Variants in TARS3 observed in about 807,000 individuals in gnomAD.
TARS3 encodes threonine--tRNA ligase 2, cytoplasmic.
Under a neutral mutation model 103.5 loss-of-function variants are expected in TARS3, and 94 were observed. The observed-to-expected ratio is 0.91, with a 90% CI of 0.77 to 1.08. The LOEUF (loss-of-function observed/expected upper bound fraction) is 1.08, where lower values mean the gene tolerates loss of function less well. TARS3 is among the 50% of genes least tolerant of loss of function. TARS3 has a pLI of 0.00. For missense variants in TARS3, 952 were observed against 995.2 expected (o/e 0.96, Z 0.58); for synonymous variants, 416 against 355.4 (o/e 1.17, Z -1.92).
intron 4 of TARS3, among the ~76,000 whole-genome samples, chr15:101,712,355 G>A (rs553973050): frequency 2.6e-5 from 4 of 152,292 alleles, no homozygotes; most frequent in East Asian, 3.9e-4. Flanking sequence ...GAAGCCCAGA[G>A]TAGGAGGAAG....
chr15:101,656,809 T>C (rs1040071873), intron 18 of TARS3, 113 bp downstream of exon 18: 2 of 682,134 alleles, frequency 2.9e-6, no homozygotes, highest in Non-Finnish European at 5.0e-6. Flanking sequence ...TGTGTAAGTA[T>C]TAAATAGACA....
In TARS3 at chr15:101,671,659, T is replaced by C. The variant is rs1596291803; in HGVS notation, c.1866+12A>G. ...TTACATTTTGCTGTTTTGAAGCATGTGGTCGACTCACTTTAGGGCCATAAA... is the reference window on the plus strand; with the variant it reads ...TTACATTTTGCTGTTTTGAAGCATGCGGTCGACTCACTTTAGGGCCATAAA... On this transcript the variant is annotated intron_variant, in intron 14 of 18. Transcript: ENST00000335968. 6.2e-7 allele frequency: 1 copy of C among 1,613,694 alleles called. No individual in the cohort carries two copies. The highest frequency in any genetic ancestry group is 8.5e-7 in the Non-Finnish European group (1 of 1,179,784).
intron 18 of TARS3, 125 bp from the exon 19 acceptor site, chr15:101,654,855 A>G: frequency 1.1e-6 from 1 of 895,810 alleles, no homozygotes. Flanking sequence ...TCTAATGAGC[A>G]TTTGGTTCAT....
At chr15:101,715,442 A>G (rs539495435) in intron 3 of TARS3, among the ~76,000 whole-genome samples, 11 of 152,310 alleles carry the variant, frequency 7.2e-5, no homozygotes, top group African/African-American at 1.9e-4. Context: ...CACCGCGCCC[A>G]GCCACATTCA....
At chr15:101,678,541 CTT>C (rs1197737226) in intron 12 of TARS3, among the ~76,000 whole-genome samples, 2 of 151,560 alleles carry the variant, frequency 1.3e-5, no homozygotes, top group Middle Eastern at 6.9e-3. Context: ...TATTATATAA[CTT>C]ATCAGTCCAG....
intron 15 of TARS3, among the ~76,000 whole-genome samples, chr15:101,666,450 T>C (rs1234920425): frequency 8.5e-6 from 1 of 117,594 alleles, no homozygotes; most frequent in African/African-American, 3.4e-5. Flanking sequence ...CACTCCAGCC[T>C]GGGCAACAGA....
intron 11 of TARS3, 120 bp from the exon 12 acceptor site, chr15:101,684,357 G>C: frequency 9.9e-7 from 1 of 1,010,148 alleles, no homozygotes. Context: ...CTAGTTCTTA[G>C]ATCACCAGGT....
chr15:101,668,318 G>A (rs1278521475), intron 15 of TARS3, among the ~76,000 whole-genome samples: 1 of 152,126 alleles, frequency 6.6e-6, no homozygotes, highest in Non-Finnish European at 1.5e-5. Context: ...CAATGTTATT[G>A]TGTCTCAGGG....
chr15:101,714,736 C>T, intron 4 of TARS3, 104 bp downstream of exon 4: 1 of 1,046,148 alleles, frequency 9.6e-7, no homozygotes, highest in Non-Finnish European at 1.3e-6. Context: ...TCTTAGAAAC[C>T]CCCAAAAAAC....
Position 101,653,748 on chromosome 15 carries a change from T to C in TARS3, c.*834A>G, listed in dbSNP as rs1022050978. The C allele has an allele frequency of 6.6e-6, 1 of 152,278 alleles. No homozygotes were observed. Among genetic ancestry groups the C allele is most frequent in the Non-Finnish European group, 1.5e-5 (1 of 68,052 alleles). 9.4% of individuals were successfully genotyped at this position (152,278 alleles called of 1,614,324 possible). ...AAAATAAACAATACTTCTTGTTTGG[T>C]AGCTGAATTCTCTATTGACATAATG... is the stretch of plus-strand genomic sequence containing the variant. On this transcript the variant is annotated 3_prime_UTR_variant, in exon 19 of 19. Transcript: ENST00000335968.
chr15:101,711,011 G>A (rs757390913), intron 5 of TARS3, among the ~76,000 whole-genome samples: 2 of 152,144 alleles, frequency 1.3e-5, no homozygotes, highest in Non-Finnish European at 2.9e-5. Flanking sequence ...GTTTGCTAAC[G>A]ATTCAAGCAT....
At chr15:101,678,463 C>G (rs1366604454) in intron 12 of TARS3, among the ~76,000 whole-genome samples, 1 of 151,564 alleles carries the variant, frequency 6.6e-6, no homozygotes, top group Non-Finnish European at 1.5e-5. Context: ...GAATTCAATT[C>G]CAATTTATCT....
At chr15:101,682,269 A>T (rs192016424) in intron 12 of TARS3, among the ~76,000 whole-genome samples, 1 of 152,324 alleles carries the variant, frequency 6.6e-6, no homozygotes, top group Admixed American at 6.5e-5. Flanking sequence ...GGTTTTTCAT[A>T]GAGGCCTTTT....
At chr15:101,702,056 G>A (rs1596316995) in intron 9 of TARS3, among the ~76,000 whole-genome samples, 183 bp downstream of exon 9, 1 of 152,220 alleles carries the variant, frequency 6.6e-6, no homozygotes, top group South Asian at 2.1e-4. Flanking sequence ...ATACAGGAAG[G>A]AAAGAGGTTA....
At chr15:101,670,034 C>A (rs1256104312) in intron 15 of TARS3, among the ~76,000 whole-genome samples, 1 of 152,180 alleles carries the variant, frequency 6.6e-6, no homozygotes, top group Non-Finnish European at 1.5e-5. Context: ...ACAATGAACT[C>A]ACATCAGATC....
Position 101,657,828 on chromosome 15 carries a change from A to G in TARS3, c.2102T>C (p.Met701Thr), listed in dbSNP as rs531065315. ...ACAAGTTGGCCCCACAGGGATGACC[A>G]TCACCTGACGAGGAGATAGCCAGAA... ...WPFWLSPRQV[M>T]VIPVGPTCEK... The change falls in exon 17 of 19, where the codon ATG becomes ACG. Residue 701 changes from methionine to threonine, a missense_variant. Coordinates refer to ENST00000335968, the MANE Select transcript of TARS3 (RefSeq NM_152334.3). 6.8e-6 allele frequency: 11 copies of G among 1,609,536 alleles called. No individual in the cohort carries two copies. In the South Asian group the frequency reaches 1.1e-4, roughly 16 times the overall value.
intron 6 of TARS3, among the ~76,000 whole-genome samples, chr15:101,706,883 G>C (rs1899593112): frequency 6.6e-6 from 1 of 152,042 alleles, no homozygotes; most frequent in East Asian, 1.9e-4. Flanking sequence ...AAAAGTAGCT[G>C]CAAAAAAGGC....
intron 5 of TARS3, among the ~76,000 whole-genome samples, chr15:101,710,415 A>G (rs985968538): frequency 3.3e-5 from 5 of 152,248 alleles, no homozygotes; most frequent in African/African-American, 1.2e-4. Flanking sequence ...CCTGTAGGTC[A>G]AAAGTATGGA....
intron 7 of TARS3, among the ~76,000 whole-genome samples, chr15:101,704,443 A>G (rs1899440173): frequency 6.6e-6 from 1 of 152,126 alleles, no homozygotes; most frequent in African/African-American, 2.4e-5. Context: ...TCACGAGGTC[A>G]GGCATTCGAG....
Sources: allele counts gnomAD v4.1 joint callset (sites outside exome capture counted in the v4.1 genomes callset), GRCh38; gene constraint gnomAD v4.1.1; transcripts MANE v1.5; gene names NCBI Gene and HGNC (gene_info 2026-07-23, HGNC 2026-07-21).